The following PLA2G7 variants were observed in gnomAD, a reference collection of about 807,000 sequenced individuals.
The protein encoded by PLA2G7 is platelet-activating factor acetylhydrolase.
Under a neutral mutation model 49.6 loss-of-function variants are expected in PLA2G7, and 63 were observed. That is an observed-to-expected ratio of 1.27 (90% CI 1.04 to 1.57). The LOEUF (loss-of-function observed/expected upper bound fraction) is 1.57. PLA2G7 is among the 40% of genes most tolerant of loss of function. PLA2G7 has a pLI of 0.00. For synonymous variants in PLA2G7, 193 were observed against 169.9 expected (o/e 1.14, Z -1.06); for missense variants, 596 against 521.2 (o/e 1.14, Z -1.40).
At chr6:46,733,633 C>T (rs543799530) in intron 1 of PLA2G7, among the ~76,000 whole-genome samples, 11 of 152,326 alleles carry the variant, frequency 7.2e-5, no homozygotes, top group Admixed American at 3.9e-4. Flanking sequence ...CTGGAAAATG[C>T]CAAGGTGGTG....
chr6:46,724,781 C>A (rs1465642590), intron 1 of PLA2G7, among the ~76,000 whole-genome samples: 1 of 152,214 alleles, frequency 6.6e-6, no homozygotes, highest in Non-Finnish European at 1.5e-5. Context: ...TTCAAATGAC[C>A]TTTCACAAAT....
At chr6:46,724,017 G>C (rs1253488794) in intron 1 of PLA2G7, among the ~76,000 whole-genome samples, 1 of 152,088 alleles carries the variant, frequency 6.6e-6, no homozygotes, top group Non-Finnish European at 1.5e-5. Flanking sequence ...TGAGGGCTTT[G>C]AATGTGTTCC....
Position 46,705,174 on chromosome 6 carries a change from C to T in PLA2G7, c.1168G>A (p.Ala390Thr), listed in dbSNP as rs1196385187. ...TTACCTAAATGCTTTTGTAAGAATG[C>T]TAATGAAGCTTTGTTGCTAAGATCA... ...AIDLSNKASL[A>T]FLQKHLGLHK... The change falls in exon 11 of 12, where the codon GCA (alanine) becomes ACA (threonine). Residue 390 changes from alanine to threonine, a missense_variant. Coordinates refer to ENST00000274793, the MANE Select transcript of PLA2G7 (RefSeq NM_005084.4). The T allele has an allele frequency of 3.1e-6, 5 of 1,609,268 alleles. No homozygotes were observed. The highest frequency in any genetic ancestry group is 4.3e-6 in the Non-Finnish European group (5 of 1,175,884).
chr6:46,719,760 T>C (rs1226058561), intron 2 of PLA2G7, among the ~76,000 whole-genome samples: 1 of 152,184 alleles, frequency 6.6e-6, no homozygotes, highest in Non-Finnish European at 1.5e-5. Flanking sequence ...GTAGGTCAAG[T>C]TCTTAGTACA....
intron 5 of PLA2G7, among the ~76,000 whole-genome samples, 174 bp from the exon 6 acceptor site, chr6:46,712,511 C>T (rs1225894872): frequency 6.6e-6 from 1 of 152,108 alleles, no homozygotes; most frequent in African/African-American, 2.4e-5. Context: ...GGATATTTGA[C>T]AATGTCTGGA....
chr6:46,712,202 A>C, intron 6 of PLA2G7, 67 bp downstream of exon 6: 2 of 997,418 alleles, frequency 2.0e-6, no homozygotes, highest in Non-Finnish European at 1.6e-6. Flanking sequence ...GAAAATTAGA[A>C]ACATAGTTAT....
intron 2 of PLA2G7, among the ~76,000 whole-genome samples, chr6:46,718,092 G>A (rs1562074836): frequency 6.6e-6 from 1 of 152,160 alleles, no homozygotes; most frequent in African/African-American, 2.4e-5. Flanking sequence ...TAGCTCAACT[G>A]TCTCATTTAT....
At chr6:46,723,735 T>C (rs945422348) in intron 1 of PLA2G7, among the ~76,000 whole-genome samples, 2 of 152,152 alleles carry the variant, frequency 1.3e-5, no homozygotes, top group African/African-American at 4.8e-5. Flanking sequence ...CTAACGAGTC[T>C]CCCTGCTTTT....
Position 46,711,625 on chromosome 6 carries a change from A to G in PLA2G7, c.540-6T>C, listed in dbSNP as rs1765027936. The G allele has an allele frequency of 6.2e-7, 1 of 1,613,294 alleles. No individual in the cohort carries two copies. Among genetic ancestry groups the G allele is most frequent in the Non-Finnish European group, 8.5e-7 (1 of 1,179,370 alleles). ...TTGCAGATGCAGATCTATCTCTATAATACAAGCAAAATTATTATTTATGCA... is the reference window on the plus strand; with the variant it reads ...TTGCAGATGCAGATCTATCTCTATAGTACAAGCAAAATTATTATTTATGCA... On this transcript the variant is annotated splice_polypyrimidine_tract_variant and splice_region_variant and intron_variant, in intron 6 of 11. Transcript: ENST00000274793.
intron 1 of PLA2G7, among the ~76,000 whole-genome samples, chr6:46,734,745 C>T (rs1043314355): frequency 6.6e-6 from 1 of 151,800 alleles, no homozygotes; most frequent in African/African-American, 2.4e-5. Flanking sequence ...ATTGCTTGAA[C>T]CCGGGAGACA....
intron 2 of PLA2G7, among the ~76,000 whole-genome samples, chr6:46,719,762 C>T (rs1266862736): frequency 1.3e-5 from 2 of 152,160 alleles, no homozygotes; most frequent in Admixed American, 6.5e-5. Flanking sequence ...AGGTCAAGTT[C>T]TTAGTACAAA....
chr6:46,726,893 CTACCTCTCAAAGTGCTGGGAT>C (rs1327089576), intron 1 of PLA2G7, among the ~76,000 whole-genome samples: 1 of 152,066 alleles, frequency 6.6e-6, no homozygotes, highest in Non-Finnish European at 1.5e-5. Flanking sequence ...CCGCTCACCT[CTACCTCTCAAAGTGCTGGGAT>C]TACAGGCATG....
At chr6:46,712,133 T>C (rs1400269662) in intron 6 of PLA2G7, 136 bp downstream of exon 6, 4 of 666,208 alleles carry the variant, frequency 6.0e-6, no homozygotes, top group African/African-American at 1.8e-5. Context: ...CAATCTCCTT[T>C]TTTGCTCATG....
chr6:46,718,141 C>T lies in PLA2G7; in HGVS notation c.110-1045G>A, dbSNP rs182785540. Reference sequence around the variant, plus strand: ...CTTGACCAGACTGTTGCTCTCTCTCCTAACTGTTCTACCCACGTTGGATCT... The same window carrying T: ...CTTGACCAGACTGTTGCTCTCTCTCTTAACTGTTCTACCCACGTTGGATCT... On this transcript the variant is annotated intron_variant, in intron 2 of 11. Transcript: ENST00000274793. 5.3e-5 allele frequency among the ~76,000 whole-genome samples: 8 copies of T among 152,340 alleles called. No homozygotes were observed. In the East Asian group the frequency reaches 5.8e-4, roughly 11 times the overall value.
intron 1 of PLA2G7, among the ~76,000 whole-genome samples, chr6:46,726,315 G>A (rs1385734616): frequency 6.6e-6 from 1 of 152,166 alleles, no homozygotes; most frequent in African/African-American, 2.4e-5. Flanking sequence ...GGAGTTATGA[G>A]CCAGGAACCA....
At chr6:46,733,857 C>T (rs1232006272) in intron 1 of PLA2G7, among the ~76,000 whole-genome samples, 1 of 152,168 alleles carries the variant, frequency 6.6e-6, no homozygotes, top group Non-Finnish European at 1.5e-5. Flanking sequence ...ATACATTTTC[C>T]AGCTCCTACC....
chr6:46,727,438 G>C (rs997938706), intron 1 of PLA2G7, among the ~76,000 whole-genome samples: 11 of 152,138 alleles, frequency 7.2e-5, no homozygotes, highest in Non-Finnish European at 1.6e-4. Flanking sequence ...AGTCAGAAAA[G>C]AAAATGCTCA....
At chr6:46,725,643 T>C (rs537750939) in intron 1 of PLA2G7, among the ~76,000 whole-genome samples, 2 of 152,220 alleles carry the variant, frequency 1.3e-5, no homozygotes, top group African/African-American at 4.8e-5. Context: ...ATAATTTTGG[T>C]TGATTTTATT....
chr6:46,710,797 A>G (rs896299520), intron 7 of PLA2G7, 139 bp from the exon 8 acceptor site: 1 of 691,580 alleles, frequency 1.4e-6, no homozygotes, highest in Non-Finnish European at 2.6e-6. Flanking sequence ...ATTACTTGCT[A>G]CCATAATGAC....
Sources: allele counts gnomAD v4.1 joint callset (sites outside exome capture counted in the v4.1 genomes callset), GRCh38; gene constraint gnomAD v4.1.1; transcripts MANE v1.5; gene names NCBI Gene and HGNC (gene_info 2026-07-23, HGNC 2026-07-21).